Variants in PTPRG observed in about 807,000 individuals in gnomAD.
PTPRG encodes the protein receptor-type tyrosine-protein phosphatase gamma.
In PTPRG, 102 loss-of-function variants were observed where a neutral mutation model predicts 165.3. The ratio of observed to expected loss-of-function variants is 0.62; its 90% CI spans 0.53 to 0.73. The LOEUF is 0.73. Among genes scored for constraint, PTPRG ranks in the 30% least tolerant of loss-of-function variants. PTPRG has a pLI of 0.00. For synonymous variants in PTPRG, 675 were observed against 669.5 expected, an observed-to-expected ratio of 1.01 and a Z score of -0.13; for missense variants, 1,866 against 1,861.4, an observed-to-expected ratio of 1.00 and a Z score of -0.05.
At chr3:61,651,754 A>T (rs1702359869) in intron 1 of PTPRG, among the ~76,000 whole-genome samples, 1 of 152,226 alleles carries the variant, frequency 6.6e-6, no homozygotes, top group South Asian at 2.1e-4. Context: ...TCACGCCTGG[A>T]ATCCCAGCAC....
At chr3:62,119,329 G>A (rs866572502) in intron 5 of PTPRG, among the ~76,000 whole-genome samples, 6 of 152,196 alleles carry the variant, frequency 3.9e-5, no homozygotes, top group African/African-American at 1.2e-4. Flanking sequence ...GCAAACATTT[G>A]GAATGGGCCA....
At chr3:61,924,466 AGGAAAC>A (rs2107569098) in intron 2 of PTPRG, among the ~76,000 whole-genome samples, 1 of 152,354 alleles carries the variant, frequency 6.6e-6, no homozygotes, top group South Asian at 2.1e-4. Flanking sequence ...GAGCCAGAGA[AGGAAAC>A]GGAAACTTTG....
At position 61,727,983 on chromosome 3, in the gene PTPRG, C is replaced by A. The variant is rs4333080; in HGVS notation, c.86-20895C>A. On this transcript the variant is annotated intron_variant, in intron 1 of 29. Transcript: ENST00000474889. ...GCACTTTACCAGCTGGTAGCTGAAC[C>A]ATTTGTGATATTTTCATTGTTTTTC... Among the ~76,000 whole-genome samples, 5 of 152,164 alleles carry A rather than the reference C, an allele frequency of 3.3e-5. No individual in the cohort carries two copies. In the East Asian group the frequency reaches 9.7e-4, roughly 29 times the overall value.
intron 5 of PTPRG, among the ~76,000 whole-genome samples, chr3:62,092,920 C>T (rs1338517692): frequency 1.3e-5 from 2 of 152,194 alleles, no homozygotes; most frequent in Non-Finnish European, 2.9e-5. Context: ...GGCATTCTCA[C>T]CTAACAGGTT....
Position 62,240,277 on chromosome 3 carries a change from G to A in PTPRG, c.2376-3530G>A, listed in dbSNP as rs1302277650. Among the ~76,000 whole-genome samples, 1 of 152,176 alleles carries A rather than the reference G, an allele frequency of 6.6e-6. No individual in the cohort carries two copies. The highest frequency in any genetic ancestry group is 1.5e-5 in the Non-Finnish European group (1 of 68,038). ...CCGAACCTGGGAGGCGGAGGTTGCA[G>A]TGAGCTGAGATCGTGCCACTGCACT... On this transcript the variant is annotated intron_variant, in intron 14 of 29. Transcript: ENST00000474889. This position sits in a 1 kb window ranked among gnomAD's most constrained non-coding sequence, Gnocchi z 5.1.
In PTPRG at chr3:62,216,430, A is replaced by AC. The variant is rs546576880; in HGVS notation, c.2156-2418dup. On this transcript the variant is annotated intron_variant, in intron 12 of 29. Coordinates refer to ENST00000474889, the MANE Select transcript of PTPRG (RefSeq NM_002841.4). Reference sequence around the variant, plus strand: ...ATAAGACACTGAGAGTCCCTCCTGTACCCAAGGGCTTCACAGAGTGGATAC... The same window carrying AC: ...ATAAGACACTGAGAGTCCCTCCTGTACCCCAAGGGCTTCACAGAGTGGATAC... 3.1e-3 allele frequency among the ~76,000 whole-genome samples: 468 copies of AC among 152,166 alleles called. 8 individuals are homozygous for AC. Among genetic ancestry groups the AC allele is most frequent in the Non-Finnish European group, 1.1e-3 (77 of 67,988 alleles).
intron 1 of PTPRG, among the ~76,000 whole-genome samples, chr3:61,725,633 GA>G (rs2032226095): frequency 2.0e-5 from 3 of 151,462 alleles, no homozygotes; most frequent in Admixed American, 6.6e-5. Flanking sequence ...CTTGAATTTG[GA>G]TAGAGTGATT....
intron 5 of PTPRG, among the ~76,000 whole-genome samples, chr3:62,084,633 A>G (rs1349624191): frequency 6.6e-6 from 1 of 152,196 alleles, no homozygotes; most frequent in African/African-American, 2.4e-5. Flanking sequence ...GACATTGAGA[A>G]GGCAGGAGGA....
At chr3:61,729,667 T>C (rs981920032) in intron 1 of PTPRG, among the ~76,000 whole-genome samples, 30 of 152,228 alleles carry the variant, frequency 2.0e-4, no homozygotes, top group African/African-American at 6.0e-4. Flanking sequence ...AACATACTCA[T>C]TTTTTAACAA....
intron 7 of PTPRG, among the ~76,000 whole-genome samples, chr3:62,159,174 T>C (rs1024751210): frequency 3.3e-5 from 5 of 151,624 alleles, no homozygotes; most frequent in Non-Finnish European, 7.4e-5. Flanking sequence ...AAAAAAAAAT[T>C]AAAAAATTAT....
At chr3:62,100,157 C>A (rs529326130) in intron 5 of PTPRG, among the ~76,000 whole-genome samples, 1 of 151,996 alleles carries the variant, frequency 6.6e-6, no homozygotes, top group African/African-American at 2.4e-5. Context: ...GAATTTGAAC[C>A]CCCGAACTCA....
rs767835013 is a variant in PTPRG, at chr3:62,203,683, C to G, written c.1888C>G (p.Pro630Ala). The G allele has an allele frequency of 7.0e-6, 11 of 1,569,656 alleles. No homozygotes were observed. Among genetic ancestry groups the G allele is most frequent in the Non-Finnish European group, 9.5e-6 (11 of 1,156,756 alleles). Reference sequence around the variant, plus strand: ...GGAGCCCAGCCCCACACCCTCGTCTCCTAACAGGACTGCCGAGGGAGGGCA... The same window carrying G: ...GGAGCCCAGCCCCACACCCTCGTCTGCTAACAGGACTGCCGAGGGAGGGCA... The part of the protein sequence containing the change: ...QTEPSPTPSS[P>A]NRTAEGGHQT... Residue 630 changes from proline to alanine, a missense_variant, in exon 12 of 30, where the codon CCT becomes GCT. Physicochemically the swap from Pro to Ala is conservative, Grantham distance 27. Transcript: ENST00000474889. This position sits in a 1 kb window ranked among gnomAD's most constrained non-coding sequence, Gnocchi z 6.4.
intron 2 of PTPRG, among the ~76,000 whole-genome samples, chr3:61,909,389 TC>T: frequency 6.6e-6 from 1 of 152,288 alleles, no homozygotes; most frequent in Admixed American, 6.5e-5. Flanking sequence ...TCACTCTGTT[TC>T]CCAGGTTAGA....
intron 12 of PTPRG, among the ~76,000 whole-genome samples, chr3:62,212,702 C>T (rs1700391873): frequency 6.6e-6 from 1 of 152,148 alleles, no homozygotes; most frequent in African/African-American, 2.4e-5. Flanking sequence ...GAGACGCACC[C>T]TGTCTGAAGG....
chr3:61,723,738 G>A (rs11923929), intron 1 of PTPRG, among the ~76,000 whole-genome samples: 39,968 of 151,912 alleles, frequency 0.26, 6,033 homozygotes, highest in East Asian at 0.7. Context: ...GTTTGATATT[G>A]GCACAATATA....
At chr3:61,833,804 G>A (rs904988586) in intron 2 of PTPRG, among the ~76,000 whole-genome samples, 21 of 152,248 alleles carry the variant, frequency 1.4e-4, no homozygotes, top group African/African-American at 3.9e-4. Context: ...AGCTAAGGCA[G>A]TGTGCCCGCC....
intron 1 of PTPRG, among the ~76,000 whole-genome samples, chr3:61,580,811 A>T (rs150232619): frequency 6.6e-6 from 1 of 152,354 alleles, no homozygotes; most frequent in East Asian, 1.9e-4. Flanking sequence ...GAAACCCTTC[A>T]GTAGATCTTC....
intron 5 of PTPRG, among the ~76,000 whole-genome samples, chr3:62,080,537 C>G (rs937793537): frequency 3.9e-5 from 6 of 152,194 alleles, no homozygotes; most frequent in African/African-American, 1.4e-4. Flanking sequence ...TCCTGTGGCC[C>G]TGCCGTCAGA....
intron 6 of PTPRG, among the ~76,000 whole-genome samples, chr3:62,147,089 G>A (rs759065377): frequency 5.3e-5 from 8 of 152,164 alleles, no homozygotes; most frequent in Non-Finnish European, 1.0e-4. Context: ...CTATGACCTT[G>A]GGTAAGTTCT....
Sources: allele counts gnomAD v4.1 joint callset (sites outside exome capture counted in the v4.1 genomes callset), GRCh38; gene constraint gnomAD v4.1.1; non-coding constraint Gnocchi (gnomAD v3.1); transcripts MANE v1.5; gene names NCBI Gene and HGNC (gene_info 2026-07-23, HGNC 2026-07-21).